Variants in EFCAB5 observed in about 807,000 individuals in gnomAD.
The protein encoded by EFCAB5 is EF-hand calcium binding domain 5.
A neutral mutation model predicts 167.9 loss-of-function variants in EFCAB5; 131 were observed. That is an observed-to-expected ratio of 0.78 (90% CI 0.68 to 0.90). The LOEUF (loss-of-function observed/expected upper bound fraction) is 0.90, where lower values mean the gene tolerates loss of function less well. Ranked by LOEUF, EFCAB5 falls within the 40% of genes least tolerant of loss-of-function variation. The probability of loss-of-function intolerance (pLI) is 0.00; values close to 1 mark genes in which losing one functional copy is unlikely to be tolerated. For missense variants in EFCAB5, 1,663 were observed against 1,745.2 expected (o/e 0.95, Z 0.84); for synonymous variants, 574 against 602.8 (o/e 0.95, Z 0.70).
intron 14 of EFCAB5, chr17:30,069,078 A>G: frequency 7.0e-7 from 1 of 1,436,946 alleles, no homozygotes; most frequent in Non-Finnish European, 9.8e-7. Context: ...AACTTTACTC[A>G]GAACAAAGAG....
rs566495468 is a variant in EFCAB5 at position 29,930,186 on chromosome 17, G to C, written c.-127+857G>C. 1.7e-3 allele frequency: 1,016 copies of C among 584,810 alleles called. 3 individuals carry two copies. Among genetic ancestry groups the C allele is most frequent in the Non-Finnish European group, 1.8e-3 (611 of 340,896 alleles). 36.2% of individuals were successfully genotyped at this position (584,810 alleles called of 1,614,324 possible). ...CCAGACTGTCGCCGACTGACGCTCCGAACGGGCGGCGGGCGGGCGGTTCCG... is the reference window on the plus strand; with the variant it reads ...CCAGACTGTCGCCGACTGACGCTCCCAACGGGCGGCGGGCGGGCGGTTCCG... On this transcript the variant is annotated intron_variant, in intron 1 of 3. Coordinates refer to the EFCAB5 transcript ENST00000448319.
At chr17:30,037,323 A>C (rs905222566) in intron 8 of EFCAB5, among the ~76,000 whole-genome samples, 1 of 152,202 alleles carries the variant, frequency 6.6e-6, no homozygotes, top group East Asian at 1.9e-4. Flanking sequence ...ACCCCCAAGA[A>C]GACACCTGGG....
chr17:30,044,160 A>C (rs2069852539), intron 8 of EFCAB5, among the ~76,000 whole-genome samples: 1 of 152,222 alleles, frequency 6.6e-6, no homozygotes. Flanking sequence ...ACATCGAAAT[A>C]GGTTCAATTA....
intron 3 of EFCAB5, among the ~76,000 whole-genome samples, chr17:29,954,813 G>T (rs1174269728): frequency 6.6e-6 from 1 of 152,230 alleles, no homozygotes; most frequent in Non-Finnish European, 1.5e-5. Context: ...GCAGCCAGAA[G>T]GGGAGCTGTA....
At chr17:29,990,775 C>T (rs2068398194) in intron 4 of EFCAB5, among the ~76,000 whole-genome samples, 2 of 152,186 alleles carry the variant, frequency 1.3e-5, no homozygotes, top group African/African-American at 4.8e-5. Flanking sequence ...CTCTAAATCA[C>T]CCTCTCTTGT....
chr17:30,072,079 T>C (rs893591394), intron 14 of EFCAB5, among the ~76,000 whole-genome samples: 2 of 152,182 alleles, frequency 1.3e-5, no homozygotes, highest in Admixed American at 1.3e-4. Context: ...TAGTGTTCTA[T>C]AGCACTGTAG....
chr17:29,997,793 C>T (rs1223618542), intron 6 of EFCAB5, among the ~76,000 whole-genome samples: 1 of 152,098 alleles, frequency 6.6e-6, no homozygotes, highest in Non-Finnish European at 1.5e-5. Flanking sequence ...TGCTCCTATT[C>T]CTCATCACTG....
chr17:30,055,764 A>G (rs2070244193), intron 10 of EFCAB5, 124 bp from the exon 11 acceptor site: 1 of 946,474 alleles, frequency 1.1e-6, no homozygotes, highest in African/African-American at 1.7e-5. Flanking sequence ...CACTGCATAT[A>G]TGGGAAAGTA....
intron 9 of EFCAB5, 143 bp downstream of exon 9, chr17:30,051,360 T>A (rs1030571361): frequency 4.2e-5 from 26 of 621,314 alleles, no homozygotes; most frequent in Non-Finnish European, 5.9e-5. Flanking sequence ...TAGATCATGA[T>A]AACTGTATCT....
intron 13 of EFCAB5, 109 bp downstream of exon 13, chr17:30,057,999 T>C (rs747837428): frequency 2.1e-6 from 2 of 935,014 alleles, no homozygotes; most frequent in Non-Finnish European, 1.6e-6. Context: ...ACAACCAAAC[T>C]GATCACTTTC....
intron 1 of EFCAB5, chr17:29,929,949 G>A (rs1032862001): frequency 1.9e-6 from 3 of 1,602,406 alleles, no homozygotes; most frequent in Non-Finnish European, 2.6e-6. Context: ...GAGGCGCAGG[G>A]GCTGGAGGTG....
chr17:29,941,351 G>A (rs192389617), upstream of EFCAB5, among the ~76,000 whole-genome samples: 186 of 152,186 alleles, frequency 1.2e-3, no homozygotes, highest in African/African-American at 4.3e-3. Context: ...CCAAAAAAAT[G>A]CCTTTTGAGA....
chr17:30,068,175 G>T (rs562529242), intron 14 of EFCAB5, among the ~76,000 whole-genome samples: 1 of 152,094 alleles, frequency 6.6e-6, no homozygotes, highest in Non-Finnish European at 1.5e-5. Flanking sequence ...GTGGTGGCAC[G>T]CTTGTAGCCC....
intron 1 of EFCAB5, among the ~76,000 whole-genome samples, chr17:29,934,576 C>G (rs2067229779): frequency 6.6e-6 from 1 of 152,186 alleles, no homozygotes; most frequent in Non-Finnish European, 1.5e-5. Flanking sequence ...GCAGGCCTCC[C>G]TGCATTTCCT....
At chr17:29,974,554 AG>A (rs2068025825) in intron 4 of EFCAB5, among the ~76,000 whole-genome samples, 1 of 152,032 alleles carries the variant, frequency 6.6e-6, no homozygotes, top group South Asian at 2.1e-4. Flanking sequence ...AAAAAAAAAA[AG>A]AATATGTCTC....
chr17:30,063,322 G>C (rs1246673122), intron 14 of EFCAB5, among the ~76,000 whole-genome samples: 1 of 152,140 alleles, frequency 6.6e-6, no homozygotes, highest in African/African-American at 2.4e-5. Context: ...ACCATTCCAT[G>C]GTCTTGTGTC....
intron 7 of EFCAB5, among the ~76,000 whole-genome samples, chr17:30,028,801 T>C (rs1340454730): frequency 6.6e-6 from 1 of 152,214 alleles, no homozygotes; most frequent in Non-Finnish European, 1.5e-5. Context: ...CATTGGCTTG[T>C]AGATGGCTGA....
rs1043741649 is a variant in EFCAB5 at position 29,976,471 on chromosome 17, G to C, written c.767+7104G>C. 4.6e-5 allele frequency among the ~76,000 whole-genome samples: 7 copies of C among 152,332 alleles called. No homozygotes were observed. The South Asian group carries it at 1.2e-3, about 27-fold the overall frequency. On this transcript the variant is annotated intron_variant, in intron 4 of 22. Coordinates refer to ENST00000394835, the MANE Select transcript of EFCAB5 (RefSeq NM_198529.4). ...AAGATCTGTATGTCAACAGATGACA[G>C]TGTCAGGCATTTGTAGAATATTCAG...
chr17:30,014,328 G>T (rs993940482), intron 7 of EFCAB5, among the ~76,000 whole-genome samples: 1 of 152,172 alleles, frequency 6.6e-6, no homozygotes, highest in Non-Finnish European at 1.5e-5. Context: ...TCTGCTTAGT[G>T]CAGAGCTGAG....
Sources: allele counts gnomAD v4.1 joint callset (sites outside exome capture counted in the v4.1 genomes callset), GRCh38; gene constraint gnomAD v4.1.1; transcripts MANE v1.5; gene names NCBI Gene and HGNC (gene_info 2026-07-23, HGNC 2026-07-21).